Variants in HSPG2 observed in about 807,000 individuals in gnomAD.
HSPG2 encodes heparan sulfate proteoglycan 2.
HSPG2 carries 278 observed loss-of-function variants against 526.6 expected under a neutral mutation model. That is an observed-to-expected ratio of 0.53 (90% CI 0.48 to 0.58). The LOEUF (loss-of-function observed/expected upper bound fraction) is 0.58, where lower values mean the gene tolerates loss of function less well. Ranked by LOEUF, HSPG2 falls within the 20% of genes least tolerant of loss-of-function variation. The probability of loss-of-function intolerance (pLI) is 0.00; values close to 1 mark genes in which losing one functional copy is unlikely to be tolerated. For synonymous variants in HSPG2, 2,465 were observed against 2,555.4 expected (o/e 0.96, Z 1.07); for missense variants, 5,354 against 6,099.5 (o/e 0.88, Z 4.07).
In HSPG2 at chr1:21,847,623, G is replaced by C. The variant is rs1276898750; in HGVS notation, c.8025+66C>G. On this transcript the variant is annotated intron_variant, in intron 61 of 96. Transcript: ENST00000374695. This position sits in a 1 kb window ranked among gnomAD's most constrained non-coding sequence, Gnocchi z 4.1. The stretch of plus-strand genomic sequence containing the variant: ...ACCCAGGGCCCAATCCGTGAGACAG[G>C]GAGCCTGCTCTGCTCACCCCAGGAG... 2 of 1,604,826 alleles carry C rather than the reference G, an allele frequency of 1.2e-6. No homozygotes were observed. The highest frequency in any genetic ancestry group is 3.4e-5 in the Admixed American group (2 of 58,696).
chr1:21,915,025 A>G (rs2152791882), intron 1 of HSPG2, among the ~76,000 whole-genome samples: 1 of 152,214 alleles, frequency 6.6e-6, no homozygotes, highest in Non-Finnish European at 1.5e-5. Flanking sequence ...CCAGCCCAGG[A>G]CCGGCTCCTT....
Position 21,895,413 on chromosome 1 carries a change from C to T in HSPG2, c.244+509G>A, listed in dbSNP as rs1402243911. On this transcript the variant is annotated intron_variant, in intron 3 of 96. Coordinates refer to ENST00000374695, the MANE Select transcript of HSPG2 (RefSeq NM_005529.7). This position sits in a 1 kb window ranked among gnomAD's most constrained non-coding sequence, Gnocchi z 4.1. ...CCCTAAGCTAGGAACCCTTGCTTCCCAGCCGATGACCCACCTTAAGGCAAG... is the reference window on the plus strand; with the variant it reads ...CCCTAAGCTAGGAACCCTTGCTTCCTAGCCGATGACCCACCTTAAGGCAAG... 1.3e-5 allele frequency among the ~76,000 whole-genome samples: 2 copies of T among 152,150 alleles called. No homozygotes were observed. Among genetic ancestry groups the T allele is most frequent in the African/African-American group, 4.8e-5 (2 of 41,428 alleles).
In HSPG2 at chr1:21,830,884, G is replaced by C. The variant is rs1357501960; in HGVS notation, c.11671+98C>G. ...TGCTCAGGTGAGAGTGGGGGGTGTG[G>C]AAGTGCCCCAGTGGTTGAGATGGTG... is the stretch of plus-strand genomic sequence containing the variant. On this transcript the variant is annotated intron_variant, in intron 85 of 96. Coordinates refer to ENST00000374695, the MANE Select transcript of HSPG2 (RefSeq NM_005529.7). The C allele has an allele frequency of 1.4e-5, 11 of 773,368 alleles. No individual in the cohort carries two copies. In the South Asian group the frequency reaches 1.5e-4, roughly 11 times the overall value. 47.9% of individuals were successfully genotyped at this position (773,368 alleles called of 1,614,324 possible). A position where few individuals can be genotyped will look rare whatever the true frequency, so the allele number is the denominator to read the frequency against.
At chr1:21,922,088 G>A (rs1644055397) in intron 1 of HSPG2, among the ~76,000 whole-genome samples, 1 of 152,176 alleles carries the variant, frequency 6.6e-6, no homozygotes, top group African/African-American at 2.4e-5. Context: ...TCTCGAAGGA[G>A]GAAAGATAAA....
intron 66 of HSPG2, 103 bp from the exon 67 acceptor site, chr1:21,843,024 C>G: frequency 7.2e-7 from 1 of 1,379,534 alleles, no homozygotes; most frequent in African/African-American, 1.4e-5. Flanking sequence ...CCTGGGGGCG[C>G]GGTGGCTTGA....
intron 1 of HSPG2, among the ~76,000 whole-genome samples, chr1:21,912,668 A>G (rs1175869371): frequency 6.6e-6 from 1 of 152,120 alleles, no homozygotes; most frequent in African/African-American, 2.4e-5. Flanking sequence ...TGTGCCTCCC[A>G]TACCCCCATA....
rs1237277397 is a variant in HSPG2, at chr1:21,893,697, G to A, written c.244+2225C>T. On this transcript the variant is annotated intron_variant, in intron 3 of 96. Coordinates refer to ENST00000374695, the MANE Select transcript of HSPG2 (RefSeq NM_005529.7). This position sits in a 1 kb window ranked among gnomAD's most constrained non-coding sequence, Gnocchi z 4.3. ...TAGAGACAGAGAAGGAGGCAAGAAGGGACATTGACAGCGAGGGAGACGAGA... is the reference window on the plus strand; with the variant it reads ...TAGAGACAGAGAAGGAGGCAAGAAGAGACATTGACAGCGAGGGAGACGAGA... Among the ~76,000 whole-genome samples, 1 of 152,006 alleles carries A rather than the reference G, an allele frequency of 6.6e-6. No individual in the cohort carries two copies. Among genetic ancestry groups the A allele is most frequent in the East Asian group, 1.9e-4 (1 of 5,178 alleles).
chr1:21,923,356 A>G (rs1331976344), intron 1 of HSPG2, among the ~76,000 whole-genome samples: 1 of 152,124 alleles, frequency 6.6e-6, no homozygotes, highest in Non-Finnish European at 1.5e-5. Context: ...CAGTGAGCCG[A>G]GATCATGCCA....
intron 1 of HSPG2, among the ~76,000 whole-genome samples, chr1:21,905,416 C>T (rs555602984): frequency 1.4e-4 from 22 of 152,336 alleles, no homozygotes; most frequent in Admixed American, 2.6e-4. Flanking sequence ...TTCCATCACT[C>T]GCTCCACTTC....
In HSPG2 at chr1:21,896,260, T is replaced by A; in HGVS notation, c.114A>T (p.Ile38=). ...AYDGLSLPED[I]ETVTASQMRW... ...GCATTTGGCTTGCTGTGACGGTCTC[T>A]ATGTCCTCAGGCAGAGACAAGCCAT... is the stretch of plus-strand genomic sequence containing the variant. The change falls in exon 2 of 97, where the codon ATA becomes ATT. Residue 38 remains isoleucine (I), a synonymous_variant. Coordinates refer to ENST00000374695, the MANE Select transcript of HSPG2 (RefSeq NM_005529.7). 1 of 1,613,924 alleles carries A rather than the reference T, an allele frequency of 6.2e-7. No homozygotes were observed. Among genetic ancestry groups the A allele is most frequent in the Non-Finnish European group, 8.5e-7 (1 of 1,179,964 alleles).
chr1:21,849,897 C>G (rs1638751209), intron 57 of HSPG2, 144 bp downstream of exon 57: 6 of 1,018,110 alleles, frequency 5.9e-6, no homozygotes, highest in Non-Finnish European at 9.1e-6. Context: ...TCAGGCTGGT[C>G]TCAAACTCCT....
chr1:21,836,466 T>C (rs973293171), intron 75 of HSPG2, among the ~76,000 whole-genome samples: 2 of 152,144 alleles, frequency 1.3e-5, no homozygotes, highest in Admixed American at 6.5e-5. Flanking sequence ...GGATTACAGG[T>C]GCCCACCACC....
intron 64 of HSPG2, among the ~76,000 whole-genome samples, chr1:21,844,758 A>G (rs1415546043): frequency 6.6e-6 from 1 of 152,248 alleles, no homozygotes; most frequent in Admixed American, 6.5e-5. Context: ...GAACAATGCC[A>G]TCTACCTCAA....
At chr1:21,934,020 G>A (rs536706860) in intron 1 of HSPG2, among the ~76,000 whole-genome samples, 2 of 152,286 alleles carry the variant, frequency 1.3e-5, no homozygotes, top group South Asian at 4.1e-4. Context: ...CCCTCAAGAC[G>A]CCTGTCCCCT....
intron 70 of HSPG2, 82 bp downstream of exon 70, chr1:21,841,457 G>A: frequency 6.3e-7 from 1 of 1,591,230 alleles, no homozygotes; most frequent in Non-Finnish European, 8.6e-7. Flanking sequence ...AATGGTGGAA[G>A]GAGGATTTAA....
At chr1:21,868,281 G>A (rs550817616) in intron 33 of HSPG2, among the ~76,000 whole-genome samples, 2 of 149,524 alleles carry the variant, frequency 1.3e-5, no homozygotes, top group South Asian at 2.1e-4. Context: ...TCAGGTGTTC[G>A]CCTGCCCCAG....
chr1:21,880,937 A>G (rs546564459), intron 14 of HSPG2, 102 bp from the exon 15 acceptor site: 1 of 1,193,958 alleles, frequency 8.4e-7, no homozygotes, highest in East Asian at 2.5e-5. Context: ...CACTCTGCCT[A>G]CCTGAGACTT....
intron 1 of HSPG2, among the ~76,000 whole-genome samples, chr1:21,935,239 C>T (rs1644459052): frequency 2.0e-5 from 3 of 152,216 alleles, no homozygotes; most frequent in African/African-American, 7.2e-5. Context: ...TATAAAGAGA[C>T]TTCAGGGGCC....
At chr1:21,841,971 G>C (rs1254461941) in intron 69 of HSPG2, 31 bp downstream of exon 69, 1 of 1,611,806 alleles carries the variant, frequency 6.2e-7, no homozygotes, top group Non-Finnish European at 8.5e-7. Flanking sequence ...CCTGCCCCCA[G>C]CTTGCCCACC....
Sources: gnomAD v4.1 joint callset for allele counts (sites outside exome capture counted in the v4.1 genomes callset) on GRCh38, gnomAD v4.1.1 for gene constraint, Gnocchi (gnomAD v3.1) non-coding constraint, MANE v1.5 for transcripts, NCBI Gene and HGNC (gene_info 2026-07-23, HGNC 2026-07-21) for gene names.